Variants in MYO1B observed in about 807,000 individuals in gnomAD.
MYO1B encodes myosin IB.
MYO1B carries 72 observed loss-of-function variants against 159.7 expected under a neutral mutation model. The ratio of observed to expected loss-of-function variants is 0.45; its 90% CI spans 0.37 to 0.55. The LOEUF (loss-of-function observed/expected upper bound fraction) is 0.55, where lower values mean the gene tolerates loss of function less well. Among genes scored for constraint, MYO1B ranks in the 20% least tolerant of loss-of-function variants. The pLI is 0.00. For missense variants in MYO1B, 1,062 were observed against 1,364.8 expected (o/e 0.78, Z 3.50); for synonymous variants, 468 against 473.8 (o/e 0.99, Z 0.16).
rs147962291 is a variant in MYO1B, at chr2:191,370,232, A to G, written c.1125A>G (p.Gln375=). 1 of 1,612,864 alleles carries G rather than the reference A, an allele frequency of 6.2e-7. No homozygotes were observed. The highest frequency in any genetic ancestry group is 1.3e-5 in the African/African-American group (1 of 74,894). The change falls in exon 13 of 31, where the codon CAA becomes CAG. Residue 375 remains glutamine (Q), a synonymous_variant. Coordinates refer to ENST00000392318, the MANE Select transcript of MYO1B (RefSeq NM_001130158.3). ...TAATTTGAAACTTTTTAAAGGCACA[A>G]ACAAAAGTGAGAAAGAAGGTCATGG... ...VNRINESIKA[Q]TKVRKKVMGV... is the part of the protein sequence containing the mutation.
chr2:191,419,413 T>A (rs550487445), intron 30 of MYO1B, among the ~76,000 whole-genome samples: 1 of 151,878 alleles, frequency 6.6e-6, no homozygotes, highest in East Asian at 1.9e-4. Flanking sequence ...AGAGGTGGGG[T>A]TTCATCGTGT....
rs563741799 is a variant in MYO1B at position 191,394,650 on chromosome 2, C to A, written c.2226+1428C>A. Among the ~76,000 whole-genome samples, 29 of 152,122 alleles carry A rather than the reference C, an allele frequency of 1.9e-4. 1 individual carries two copies. The highest frequency in any genetic ancestry group is 1.5e-3 in the Admixed American group (23 of 15,280). ...ACTGCCATAAAGAATAATGGGGAGG[C>A]GGGATGTGACCTAAGCTAGAGTGGT... On this transcript the variant is annotated intron_variant, in intron 20 of 30. Transcript: ENST00000392318.
chr2:191,290,815 A>G (rs1367383300), intron 2 of MYO1B, among the ~76,000 whole-genome samples: 1 of 152,202 alleles, frequency 6.6e-6, no homozygotes, highest in African/African-American at 2.4e-5. Context: ...GAGTGAGGCT[A>G]GAAGGACTTT....
intron 2 of MYO1B, among the ~76,000 whole-genome samples, chr2:191,288,899 T>G (rs891990029): frequency 2.0e-5 from 3 of 152,216 alleles, no homozygotes; most frequent in Non-Finnish European, 4.4e-5. Flanking sequence ...AAAAGTAACA[T>G]GACTTGGAGA....
chr2:191,369,244 A>T (rs1694208462), intron 11 of MYO1B, among the ~76,000 whole-genome samples: 1 of 152,048 alleles, frequency 6.6e-6, no homozygotes, highest in Non-Finnish European at 1.5e-5. Flanking sequence ...CTATTGTTGG[A>T]TGTCTAAATT....
rs903359272 is a variant in MYO1B, at chr2:191,369,455, A to G, written c.1033-87A>G. The G allele has an allele frequency of 1.6e-5, 16 of 1,017,686 alleles. No homozygotes were observed. The East Asian group carries it at 2.6e-4, about 16-fold the overall frequency. 63.0% of individuals were successfully genotyped at this position (1,017,686 alleles called of 1,614,324 possible). ...GATGTGAAATAAAAGAGCTTCAAAT[A>G]TTTTTTAAAAGTATCTTTATGATTT... is the stretch of plus-strand genomic sequence containing the variant. On this transcript the variant is annotated intron_variant, in intron 11 of 30. Transcript: ENST00000392318.
rs568500288 is a variant in MYO1B, at chr2:191,312,488, A to G, written c.251+16262A>G. 3.3e-5 allele frequency among the ~76,000 whole-genome samples: 5 copies of G among 152,350 alleles called. No homozygotes were observed. In the East Asian group the frequency reaches 9.6e-4, roughly 29 times the overall value. On this transcript the variant is annotated intron_variant, in intron 3 of 30. Transcript: ENST00000392318. The stretch of plus-strand genomic sequence containing the variant: ...GTCACAACCATGACCTTTTATTTAT[A>G]TATGATTTTTATTAATCATATGACT...
At position 191,383,273 on chromosome 2, in the gene MYO1B, C is replaced by G; in HGVS notation, c.1291-7C>G. On this transcript the variant is annotated splice_region_variant and splice_polypyrimidine_tract_variant and intron_variant, in intron 14 of 30. Transcript: ENST00000392318. ...GTCATTGGATTTTGTTCTGTTTTGT[C>G]TTTTAGGATATAGAATGGACTCACA... 6.4e-7 allele frequency: 1 copy of G among 1,561,720 alleles called. No individual in the cohort carries two copies.
At chr2:191,267,708 T>C (rs926920868) in intron 1 of MYO1B, among the ~76,000 whole-genome samples, 1 of 152,210 alleles carries the variant, frequency 6.6e-6, no homozygotes, top group African/African-American at 2.4e-5. Context: ...ACCAGCCCCA[T>C]CACCTTTGAG....
At chr2:191,259,869 A>G (rs1686688999) in intron 1 of MYO1B, among the ~76,000 whole-genome samples, 1 of 152,106 alleles carries the variant, frequency 6.6e-6, no homozygotes, top group Admixed American at 6.6e-5. Flanking sequence ...GATGTGGGGC[A>G]TTCAGGCAGT....
At chr2:191,275,866 A>G (rs1687721237) in intron 1 of MYO1B, among the ~76,000 whole-genome samples, 1 of 152,224 alleles carries the variant, frequency 6.6e-6, no homozygotes, top group African/African-American at 2.4e-5. Context: ...GTGTGCATAC[A>G]CACATATCCC....
At chr2:191,353,972 CAT>C (rs1299787959) in intron 7 of MYO1B, among the ~76,000 whole-genome samples, 1 of 152,134 alleles carries the variant, frequency 6.6e-6, no homozygotes, top group Non-Finnish European at 1.5e-5. Flanking sequence ...TAGTGTCAAA[CAT>C]AGGCTGGGTG....
intron 3 of MYO1B, among the ~76,000 whole-genome samples, chr2:191,300,639 C>CTTTTTTTTTTTTTT (rs1233709923): frequency 0.19 from 12,666 of 66,790 alleles, 3,191 homozygotes; most frequent in South Asian, 0.27. Flanking sequence ...TGTGCGCAGC[C>CTTTTTTTTTTTTTT]TTTTTTTTTT....
intron 3 of MYO1B, among the ~76,000 whole-genome samples, chr2:191,313,719 A>T (rs1184976562): frequency 6.6e-6 from 1 of 152,092 alleles, no homozygotes; most frequent in Non-Finnish European, 1.5e-5. Flanking sequence ...GGGTTTCACC[A>T]TTTTGGTCAG....
chr2:191,330,003 C>T lies in MYO1B; in HGVS notation c.320C>T (p.Thr107Ile). 1 of 1,612,036 alleles carries T rather than the reference C, an allele frequency of 6.2e-7. No homozygotes were observed. Among genetic ancestry groups the T allele is most frequent in the Non-Finnish European group, 8.5e-7 (1 of 1,178,776 alleles). ...GATAAGGACCAATGTATTCTCATTA[C>T]TGGGGAAAGTGGAGCAGGAAAAACA... ...DQDKDQCILI[T>I]GESGAGKTEA... The change falls in exon 4 of 31, where the codon ACT becomes ATT. Residue 107 changes from threonine (T) to isoleucine (I), a missense_variant. Transcript: ENST00000392318.
At position 191,392,218 on chromosome 2, in the gene MYO1B, T is replaced by C; in HGVS notation, c.2076+17T>C. 3 of 1,548,750 alleles carry C rather than the reference T, an allele frequency of 1.9e-6. No homozygotes were observed. The highest frequency in any genetic ancestry group is 2.7e-6 in the Non-Finnish European group (3 of 1,129,928). On this transcript the variant is annotated intron_variant, in intron 19 of 30. Coordinates refer to ENST00000392318, the MANE Select transcript of MYO1B (RefSeq NM_001130158.3). ...CCAAGAACAGTATGTAACGAAAACC[T>C]TTACACTCTGAACTTAAGTTGGAAT...
intron 21 of MYO1B, 123 bp from the exon 22 acceptor site, chr2:191,400,259 A>G (rs1338063301): frequency 1.9e-6 from 2 of 1,053,192 alleles, no homozygotes; most frequent in Admixed American, 3.7e-5. Flanking sequence ...GCCTTCTTTA[A>G]CCTGTTGATT....
Position 191,253,176 on chromosome 2 carries a change from A to G in MYO1B, c.-10+7550A>G, listed in dbSNP as rs1490511618. Among the ~76,000 whole-genome samples the G allele has an allele frequency of 7.2e-5, 11 of 152,310 alleles. No individual in the cohort carries two copies. In the East Asian group the frequency reaches 2.1e-3, roughly 29 times the overall value. On this transcript the variant is annotated intron_variant, in intron 1 of 30. Coordinates refer to ENST00000392318, the MANE Select transcript of MYO1B (RefSeq NM_001130158.3). Reference sequence around the variant, plus strand: ...ATAGCTGGTTAAGTTTCTTTGCAGAAAGACTTCTCCTGGCCTTCATTTGTG... The same window carrying G: ...ATAGCTGGTTAAGTTTCTTTGCAGAGAGACTTCTCCTGGCCTTCATTTGTG...
intron 18 of MYO1B, among the ~76,000 whole-genome samples, chr2:191,391,382 A>G (rs1221014506): frequency 6.6e-6 from 1 of 152,198 alleles, no homozygotes; most frequent in Non-Finnish European, 1.5e-5. Flanking sequence ...TTATAAGAAG[A>G]TCTAGAAACT....
Sources: allele counts gnomAD v4.1 joint callset (sites outside exome capture counted in the v4.1 genomes callset), GRCh38; gene constraint gnomAD v4.1.1; transcripts MANE v1.5; gene names NCBI Gene and HGNC (gene_info 2026-07-23, HGNC 2026-07-21).